Variants in PARD3B observed in about 807,000 individuals in gnomAD.
The protein encoded by PARD3B is partitioning defective 3 homolog B.
A neutral mutation model predicts 130.2 loss-of-function variants in PARD3B; 103 were observed. The ratio of observed to expected loss-of-function variants is 0.79; its 90% confidence interval spans 0.67 to 0.93. The LOEUF (loss-of-function observed/expected upper bound fraction) is 0.93. Ranked by LOEUF, PARD3B falls within the 40% of genes least tolerant of loss-of-function variation. The pLI, the probability that PARD3B is intolerant of heterozygous loss-of-function variation, is 0.00. For missense variants in PARD3B, 1,609 were observed against 1,499.2 expected, an observed-to-expected ratio of 1.07 and a Z score of -1.21; for synonymous variants, 583 against 553.2, an observed-to-expected ratio of 1.05 and a Z score of -0.76.
chr2:204,608,515 T>C (rs60179096), intron 1 of PARD3B, among the ~76,000 whole-genome samples: 3,175 of 152,176 alleles, frequency 0.021, 117 homozygotes, highest in East Asian at 0.13. Flanking sequence ...GGCTGGGTCT[T>C]ATTTTCTCAG....
Position 205,616,052 on chromosome 2 carries a change from A to G in PARD3B, c.*239A>G. On this transcript the variant is annotated 3_prime_UTR_variant, in exon 23 of 23. Coordinates refer to ENST00000406610, the MANE Select transcript of PARD3B (RefSeq NM_001302769.2). ...GGGGCTATAAAAACAAAACTACCTG[A>G]TAGTTGAAACGCTTTCAGAGTTGTT... is the stretch of plus-strand genomic sequence containing the variant. The G allele has an allele frequency of 1.9e-6, 1 of 520,130 alleles. No individual in the cohort carries two copies. The highest frequency in any genetic ancestry group is 3.4e-6 in the Non-Finnish European group (1 of 295,980). 32.2% of individuals were successfully genotyped at this position (520,130 alleles called of 1,614,324 possible).
chr2:205,458,228 C>T lies in PARD3B; in HGVS notation c.3044+17556C>T, dbSNP rs947249991. Among the ~76,000 whole-genome samples, 1 of 152,068 alleles carries T rather than the reference C, an allele frequency of 6.6e-6. No individual in the cohort carries two copies. Among genetic ancestry groups the T allele is most frequent in the Admixed American group, 6.6e-5 (1 of 15,234 alleles). ...TTTGAAAAATTCTCAGCTGGTCACA[C>T]CTCTTCAGAATTGTTTCTGTTCCCT... On this transcript the variant is annotated intron_variant, in intron 20 of 22. Coordinates refer to ENST00000406610, the MANE Select transcript of PARD3B (RefSeq NM_001302769.2). This position sits in a 1 kb window ranked among gnomAD's most constrained non-coding sequence, Gnocchi z 4.8.
chr2:204,912,034 T>C (rs546000689), intron 2 of PARD3B, among the ~76,000 whole-genome samples: 1 of 152,306 alleles, frequency 6.6e-6, no homozygotes, highest in Non-Finnish European at 1.5e-5. Flanking sequence ...AAAATTTGCA[T>C]GAGTTTGTAG....
rs75549223 is a variant in PARD3B at position 205,088,840 on chromosome 2, C to G, written c.505-15586C>G. Among the ~76,000 whole-genome samples, 458 of 150,490 alleles carry G rather than the reference C, an allele frequency of 3.0e-3. 20 individuals are homozygous for G. The East Asian group carries it at 0.074, about 24-fold the overall frequency. On this transcript the variant is annotated intron_variant, in intron 4 of 22. Transcript: ENST00000406610. Reference sequence around the variant, plus strand: ...GGTGGAATCTTGCTTTGTCGTCAGGCTGGAGTGTAGTGGCCTGATCTCAGC... The same window carrying G: ...GGTGGAATCTTGCTTTGTCGTCAGGGTGGAGTGTAGTGGCCTGATCTCAGC...
chr2:205,058,152 G>A (rs935316158), intron 4 of PARD3B, among the ~76,000 whole-genome samples: 4 of 151,718 alleles, frequency 2.6e-5, no homozygotes, highest in African/African-American at 9.7e-5. Flanking sequence ...TATACAAGTA[G>A]AATCATGCAG....
chr2:205,522,624 C>G (rs145337709), intron 21 of PARD3B, among the ~76,000 whole-genome samples: 34 of 152,130 alleles, frequency 2.2e-4, no homozygotes, highest in Non-Finnish European at 3.7e-4. Flanking sequence ...TGGAGGATAG[C>G]AAAGAGCACA....
intron 2 of PARD3B, among the ~76,000 whole-genome samples, chr2:204,755,053 A>G (rs1197376080): frequency 6.6e-6 from 1 of 152,040 alleles, no homozygotes; most frequent in Non-Finnish European, 1.5e-5. Context: ...GTGTTATTTA[A>G]TTGCCTTGCA....
At chr2:205,200,660 A>G (rs1281203620) in intron 15 of PARD3B, among the ~76,000 whole-genome samples, 1 of 152,238 alleles carries the variant, frequency 6.6e-6, no homozygotes, top group African/African-American at 2.4e-5. Context: ...CTGCAGTCTT[A>G]CAGTGTTTTC....
intron 21 of PARD3B, among the ~76,000 whole-genome samples, chr2:205,517,569 C>CTCAATTTCCT (rs1192432516): frequency 5.3e-5 from 8 of 151,818 alleles, no homozygotes; most frequent in Non-Finnish European, 1.0e-4. Context: ...TTTTTCATGT[C>CTCAATTTCCT]TCAATTTCCT....
chr2:204,997,870 A>G (rs1694361679), intron 3 of PARD3B, among the ~76,000 whole-genome samples: 1 of 149,428 alleles, frequency 6.7e-6, no homozygotes, highest in Non-Finnish European at 1.5e-5. Flanking sequence ...TTGTATACAC[A>G]TCTTTAAATA....
At chr2:205,188,893 A>G (rs561604083) in intron 14 of PARD3B, among the ~76,000 whole-genome samples, 113 of 152,288 alleles carry the variant, frequency 7.4e-4, no homozygotes, top group African/African-American at 2.5e-3. Flanking sequence ...GGAAAGAAAA[A>G]CAAATTTGAT....
intron 2 of PARD3B, among the ~76,000 whole-genome samples, chr2:204,803,144 GAAAAAA>G (rs67190837): frequency 0.036 from 4,322 of 120,064 alleles, 258 homozygotes; most frequent in African/African-American, 0.12. Flanking sequence ...AGTGCTGAAG[GAAAAAA>G]AAAAAAAAAA....
intron 4 of PARD3B, among the ~76,000 whole-genome samples, chr2:205,072,399 C>G (rs569395450): frequency 1.3e-5 from 2 of 151,992 alleles, no homozygotes; most frequent in Admixed American, 6.5e-5. Context: ...TACAGGCGTG[C>G]GCCACCACGC....
In PARD3B at chr2:205,140,029, C is replaced by T. The variant is rs1057332998; in HGVS notation, c.1434+14292C>T. 3.9e-5 allele frequency among the ~76,000 whole-genome samples: 6 copies of T among 152,194 alleles called. No homozygotes were observed. In the East Asian group the frequency reaches 5.8e-4, roughly 15 times the overall value. On this transcript the variant is annotated intron_variant, in intron 10 of 22. Coordinates refer to ENST00000406610, the MANE Select transcript of PARD3B (RefSeq NM_001302769.2). ...CTTTGAAAATATTTCCCAAAGATTG[C>T]GTTGCCTCTGCTCTTAGCTCAATAG...
chr2:204,962,156 A>G (rs531172383), intron 2 of PARD3B, among the ~76,000 whole-genome samples: 11 of 152,252 alleles, frequency 7.2e-5, no homozygotes, highest in African/African-American at 2.4e-4. Context: ...GGAAGTAAAG[A>G]TTGTGTAAAC....
intron 1 of PARD3B, among the ~76,000 whole-genome samples, chr2:204,617,313 C>G (rs191170297): frequency 6.6e-6 from 1 of 152,186 alleles, no homozygotes; most frequent in Non-Finnish European, 1.5e-5. Context: ...TGTAGATGAA[C>G]TTAAATCACA....
Position 204,976,795 on chromosome 2 carries a change from A to G in PARD3B, c.394+11472A>G, listed in dbSNP as rs550887822. Among the ~76,000 whole-genome samples, 244 of 151,928 alleles carry G rather than the reference A, an allele frequency of 1.6e-3. 1 individual carries two copies. The highest frequency in any genetic ancestry group is 5.6e-3 in the African/African-American group (230 of 41,434). On this transcript the variant is annotated intron_variant, in intron 3 of 22. Transcript: ENST00000406610. ...CTAATTTTCGTATTTTTTTTAGTAG[A>G]GACGGGGTTTCACCGTGTTGGTCAG... is the stretch of plus-strand genomic sequence containing the variant.
At chr2:205,543,706 G>A (rs1040143022) in intron 21 of PARD3B, among the ~76,000 whole-genome samples, 5 of 152,226 alleles carry the variant, frequency 3.3e-5, no homozygotes, top group Non-Finnish European at 5.9e-5. Context: ...ATGAGGCAGA[G>A]ATGGAAATGG....
intron 4 of PARD3B, among the ~76,000 whole-genome samples, chr2:205,094,386 A>G (rs1360579066): frequency 6.6e-6 from 1 of 152,176 alleles, no homozygotes; most frequent in Non-Finnish European, 1.5e-5. Context: ...TAGGCAATAA[A>G]AAAGACCTTT....
Sources: allele counts gnomAD v4.1 joint callset (sites outside exome capture counted in the v4.1 genomes callset), GRCh38; gene constraint gnomAD v4.1.1; non-coding constraint Gnocchi (gnomAD v3.1); transcripts MANE v1.5; gene names NCBI Gene and HGNC (gene_info 2026-07-23, HGNC 2026-07-21).